MED12L: variants seen among roughly 807,000 people sequenced by gnomAD.
The protein encoded by MED12L is mediator of RNA polymerase II transcription subunit 12-like protein.
In MED12L, 60 loss-of-function variants were observed where a neutral mutation model predicts 281.3. The ratio of observed to expected loss-of-function variants is 0.21; its 90% CI spans 0.17 to 0.26. The LOEUF (loss-of-function observed/expected upper bound fraction) is 0.26, where lower values mean the gene tolerates loss of function less well. Ranked by LOEUF, MED12L falls within the 10% of genes least tolerant of loss-of-function variation. MED12L has a pLI of 1.00. For missense variants in MED12L, 2,146 were observed against 2,680.9 expected (o/e 0.80, Z 4.41); for synonymous variants, 974 against 987.2 (o/e 0.99, Z 0.25).
rs539084051 is a variant in MED12L, at chr3:151,329,564, T to C, written c.2251-20495T>C. ...TACAAATGAGCATGTGAAGCAAATG[T>C]TCTGCTTTCTTATAGTGGATTTCCT... On this transcript the variant is annotated intron_variant, in intron 16 of 44. Transcript: ENST00000687756. The C allele has an allele frequency of 6.1e-6, 9 of 1,465,874 alleles. No homozygotes were observed. In the African/African-American group the frequency reaches 1.3e-4, roughly 21 times the overall value. 90.8% of individuals were successfully genotyped at this position (1,465,874 alleles called of 1,614,324 possible).
Position 151,433,468 on chromosome 3 carries a change from G to A in MED12L, c.*664G>A, listed in dbSNP as rs1560160633. 1 of 152,630 alleles carries A rather than the reference G, an allele frequency of 6.6e-6. No individual in the cohort carries two copies. The highest frequency in any genetic ancestry group is 1.5e-5 in the Non-Finnish European group (1 of 68,042). The allele number at this position is 152,630 out of a possible 1,614,324, so 9.5% of individuals were successfully genotyped here. A position where few individuals can be genotyped will look rare whatever the true frequency, so the allele number is the denominator to read the frequency against. ...TTCTTAAACCAAGAACCTAAACCAA[G>A]GTTTCTTTGAGAGCCGCCCTAAGAT... On this transcript the variant is annotated 3_prime_UTR_variant, in exon 45 of 45. Transcript: ENST00000687756.
intron 5 of MED12L, among the ~76,000 whole-genome samples, chr3:151,132,693 T>A (rs1715575837): frequency 6.6e-6 from 1 of 152,272 alleles, no homozygotes; most frequent in African/African-American, 2.4e-5. Flanking sequence ...TTCTTATATG[T>A]ATTTTAATTG....
At chr3:151,222,363 G>A (rs180769797) in intron 16 of MED12L, among the ~76,000 whole-genome samples, 9 of 152,078 alleles carry the variant, frequency 5.9e-5, no homozygotes, top group African/African-American at 1.2e-4. Context: ...ATTTGGGAGC[G>A]GTCAGAGGTG....
intron 19 of MED12L, among the ~76,000 whole-genome samples, chr3:151,356,511 T>C (rs1030669806): frequency 2.0e-5 from 3 of 152,220 alleles, no homozygotes; most frequent in Non-Finnish European, 2.9e-5. Flanking sequence ...GAATTAACAG[T>C]CTTAAACTAA....
intron 23 of MED12L, among the ~76,000 whole-genome samples, chr3:151,366,744 A>G (rs1015651570): frequency 6.6e-6 from 1 of 152,190 alleles, no homozygotes; most frequent in African/African-American, 2.4e-5. Flanking sequence ...TCCTATCTCT[A>G]TATCTTCATT....
At chr3:151,357,958 A>G (rs1754129024) in intron 20 of MED12L, among the ~76,000 whole-genome samples, 1 of 152,170 alleles carries the variant, frequency 6.6e-6, no homozygotes, top group African/African-American at 2.4e-5. Flanking sequence ...AATTAGTGTA[A>G]ATGAGCTCTC....
intron 2 of MED12L, among the ~76,000 whole-genome samples, chr3:151,107,875 C>A (rs546863261): frequency 6.6e-6 from 1 of 151,978 alleles, no homozygotes; most frequent in Non-Finnish European, 1.5e-5. Context: ...TGCATTCAAA[C>A]GCAGATCCAT....
chr3:151,309,328 A>G (rs1353920942), intron 16 of MED12L, among the ~76,000 whole-genome samples: 1 of 152,184 alleles, frequency 6.6e-6, no homozygotes, highest in Non-Finnish European at 1.5e-5. Flanking sequence ...AGTAACCTGT[A>G]TATTTGTATT....
In MED12L at chr3:151,387,830, G is replaced by A; in HGVS notation, c.5109G>A (p.Lys1703=). 3 of 1,613,536 alleles carry A rather than the reference G, an allele frequency of 1.9e-6. No individual in the cohort carries two copies. Residue 1703 remains lysine (K), a synonymous_variant, in exon 37 of 45, where the codon AAG becomes AAA. Coordinates refer to ENST00000687756, the MANE Select transcript of MED12L (RefSeq NM_001393769.1). ...DKKQGLQVST[K]QKVSPWDLFE... ...CACAGGGTCTCCAGGTCTCTACGAA[G>A]CAGAAGGTGTCCCCGTGGGACTTGT...
At chr3:151,162,078 C>G (rs1720071698) in intron 8 of MED12L, among the ~76,000 whole-genome samples, 1 of 152,088 alleles carries the variant, frequency 6.6e-6, no homozygotes, top group Non-Finnish European at 1.5e-5. Context: ...AAGATGGCAG[C>G]TGAGTGGAGA....
At position 151,389,304 on chromosome 3, in the gene MED12L, A is replaced by G. The variant is rs115189325; in HGVS notation, c.5452-675A>G. Among the ~76,000 whole-genome samples the G allele has an allele frequency of 2.0e-5, 3 of 152,150 alleles. No individual in the cohort carries two copies. In the South Asian group the frequency reaches 6.2e-4, roughly 32 times the overall value. On this transcript the variant is annotated intron_variant, in intron 37 of 44. Transcript: ENST00000687756. Reference sequence around the variant, plus strand: ...GTCTGGTCATGTCCCCTCTTCCTCTATTCTTCCTGAAGCTCCCTCTTTTCA... The same window carrying G: ...GTCTGGTCATGTCCCCTCTTCCTCTGTTCTTCCTGAAGCTCCCTCTTTTCA...
chr3:151,319,940 C>A (rs756366612), intron 16 of MED12L, among the ~76,000 whole-genome samples: 4 of 152,078 alleles, frequency 2.6e-5, no homozygotes, highest in Non-Finnish European at 4.4e-5. Context: ...GTCACATCTT[C>A]GAAGGAATTA....
At chr3:151,269,397 T>TCACATACACACA (rs1740439949) in intron 16 of MED12L, 1 of 144,512 alleles carries the variant, frequency 6.9e-6, no homozygotes, top group African/African-American at 2.9e-5. Context: ...TGAAACTCCA[T>TCACATACACACA]CACACACACA....
chr3:151,162,300 A>T (rs775239620), intron 8 of MED12L, among the ~76,000 whole-genome samples: 1 of 152,184 alleles, frequency 6.6e-6, no homozygotes, highest in African/African-American at 2.4e-5. Flanking sequence ...CCCAGTGGAA[A>T]GAGATGGATT....
chr3:151,090,563 T>A (rs964569805), intron 2 of MED12L, among the ~76,000 whole-genome samples: 1 of 152,130 alleles, frequency 6.6e-6, no homozygotes. Context: ...TATTGGAACA[T>A]GAATAAACTT....
chr3:151,152,587 A>G (rs546336814), intron 5 of MED12L, among the ~76,000 whole-genome samples: 2 of 152,254 alleles, frequency 1.3e-5, no homozygotes, highest in African/African-American at 2.4e-5. Flanking sequence ...ACTGACTTTC[A>G]TCCTGATGGT....
At chr3:151,212,061 A>T (rs912990386) in intron 16 of MED12L, 18 of 152,238 alleles carry the variant, frequency 1.2e-4, no homozygotes, top group African/African-American at 4.3e-4. Flanking sequence ...ATATGTCTTG[A>T]CTGTGAGGAA....
intron 3 of MED12L, among the ~76,000 whole-genome samples, chr3:151,117,040 T>C (rs966894474): frequency 7.2e-5 from 11 of 152,386 alleles, no homozygotes; most frequent in Middle Eastern, 3.4e-3. Flanking sequence ...TGATGACTCC[T>C]GCTGAATGAT....
chr3:151,347,933 C>G (rs954095624), intron 16 of MED12L, among the ~76,000 whole-genome samples: 4 of 152,108 alleles, frequency 2.6e-5, no homozygotes, highest in African/African-American at 9.7e-5. Context: ...CAAGCTTGGG[C>G]TATTATCAGT....
Sources: gnomAD v4.1 joint callset for allele counts (sites outside exome capture counted in the v4.1 genomes callset) on GRCh38, gnomAD v4.1.1 for gene constraint, MANE v1.5 for transcripts, NCBI Gene and HGNC (gene_info 2026-07-23, HGNC 2026-07-21) for gene names.